Variants in CAMTA1 observed in about 807,000 individuals in gnomAD.
The protein encoded by CAMTA1 is calmodulin binding transcription activator 1.
A neutral mutation model predicts 170.9 loss-of-function variants in CAMTA1; 27 were observed. The ratio of observed to expected loss-of-function variants is 0.16; its 90% confidence interval spans 0.12 to 0.22. The LOEUF (loss-of-function observed/expected upper bound fraction) is 0.22. Among genes scored for constraint, CAMTA1 ranks in the 10% least tolerant of loss-of-function variants. The probability of loss-of-function intolerance (pLI) is 1.00; values close to 1 mark genes in which losing one functional copy is unlikely to be tolerated. For missense variants in CAMTA1, 1,619 were observed against 2,217.2 expected (o/e 0.73, Z 5.42); for synonymous variants, 833 against 891.5 (o/e 0.93, Z 1.17).
At chr1:7,745,078 G>T (rs962921780) in intron 17 of CAMTA1, 56 bp downstream of exon 17, 5 of 1,478,622 alleles carry the variant, frequency 3.4e-6, no homozygotes, top group Non-Finnish European at 4.6e-6. Context: ...GTAATTGGAG[G>T]CAGGGGAGGC....
chr1:7,504,981 G>T (rs1281944917), intron 6 of CAMTA1, among the ~76,000 whole-genome samples: 2 of 148,778 alleles, frequency 1.3e-5, no homozygotes, highest in Non-Finnish European at 3.0e-5. Flanking sequence ...TGGGCAGGAG[G>T]AGTTCAGTGT....
intron 3 of CAMTA1, among the ~76,000 whole-genome samples, chr1:6,830,342 C>T (rs950212999): frequency 1.4e-4 from 20 of 145,650 alleles, no homozygotes; most frequent in African/African-American, 5.1e-4. Context: ...CCGCACCTGG[C>T]CTTGTTTTTT....
chr1:7,581,612 G>A (rs950701054), intron 6 of CAMTA1, among the ~76,000 whole-genome samples: 3 of 152,246 alleles, frequency 2.0e-5, no homozygotes, highest in Admixed American at 6.5e-5. Context: ...GCTCTTTGGA[G>A]GTGGGACCGG....
chr1:7,759,486 C>T lies in CAMTA1; in HGVS notation c.4989+3818C>T, dbSNP rs368068693. 7.2e-5 allele frequency among the ~76,000 whole-genome samples: 11 copies of T among 152,236 alleles called. 1 individual carries two copies. In the South Asian group the frequency reaches 2.1e-3, roughly 29 times the overall value. Reference sequence around the variant, plus strand: ...ACTTAAAGTGAAATTAACAAACTCTCGATACTGTCATCAGGGTTTTTGGTT... The same window carrying T: ...ACTTAAAGTGAAATTAACAAACTCTTGATACTGTCATCAGGGTTTTTGGTT... On this transcript the variant is annotated intron_variant, in intron 22 of 22. Transcript: ENST00000303635.
chr1:7,467,731 C>T (rs532690051), intron 5 of CAMTA1, 99 bp from the exon 6 acceptor site: 54 of 1,092,142 alleles, frequency 4.9e-5, no homozygotes, highest in East Asian at 3.5e-4. Context: ...CGCTGCCAGG[C>T]GGCTGTGGCC....
chr1:7,148,636 G>A (rs1048022539), intron 4 of CAMTA1, among the ~76,000 whole-genome samples: 1 of 152,140 alleles, frequency 6.6e-6, no homozygotes, highest in African/African-American at 2.4e-5. Flanking sequence ...TGGCCAGCCG[G>A]CCCATTCAGT....
At chr1:7,270,287 A>ATTTTTTTT (rs1249476043) in intron 5 of CAMTA1, among the ~76,000 whole-genome samples, 8 of 111,552 alleles carry the variant, frequency 7.2e-5, no homozygotes, top group African/African-American at 2.8e-4. Context: ...ATATATATAT[A>ATTTTTTTT]TATATTTTTT....
chr1:7,550,905 A>G (rs1274090833), intron 6 of CAMTA1, among the ~76,000 whole-genome samples: 1 of 151,506 alleles, frequency 6.6e-6, no homozygotes, highest in Non-Finnish European at 1.5e-5. Flanking sequence ...AGCAGCCCAT[A>G]GACACCCCAG....
intron 11 of CAMTA1, among the ~76,000 whole-genome samples, chr1:7,712,105 G>A (rs1382932677): frequency 5.9e-5 from 9 of 152,138 alleles, no homozygotes; most frequent in Non-Finnish European, 1.0e-4. Context: ...AGTGAACCTC[G>A]CATTTATATA....
intron 11 of CAMTA1, among the ~76,000 whole-genome samples, chr1:7,683,718 G>A (rs1180872023): frequency 6.6e-6 from 1 of 152,192 alleles, no homozygotes; most frequent in Non-Finnish European, 1.5e-5. Context: ...CGTCCTCTCC[G>A]AGCCCAGCCA....
intron 5 of CAMTA1, among the ~76,000 whole-genome samples, chr1:7,337,145 G>A (rs1557541217): frequency 6.6e-6 from 1 of 152,228 alleles, no homozygotes. Flanking sequence ...TGGTGAGTCC[G>A]TAGTGGCCTG....
rs2095695874 is a variant in CAMTA1, at chr1:7,634,542, T to A, written c.511-5858T>A. ...TCCTGGGAATCTGGTGGGTGTGAGG[T>A]CAGGACACTGGATGAGGCCACTAAG... On this transcript the variant is annotated intron_variant, in intron 6 of 22. Transcript: ENST00000303635. The surrounding 1 kb of genome is among the most constrained non-coding windows in gnomAD (Gnocchi z 6.2). Among the ~76,000 whole-genome samples, 1 of 150,594 alleles carries A rather than the reference T, an allele frequency of 6.6e-6. No individual in the cohort carries two copies. The highest frequency in any genetic ancestry group is 6.6e-5 in the Admixed American group (1 of 15,118).
At chr1:7,367,178 G>A (rs545268885) in intron 5 of CAMTA1, among the ~76,000 whole-genome samples, 2 of 152,170 alleles carry the variant, frequency 1.3e-5, no homozygotes, top group Non-Finnish European at 2.9e-5. Flanking sequence ...CTTTTGACTG[G>A]CAAGGTGACA....
chr1:7,016,138 C>A (rs376959066), intron 3 of CAMTA1, among the ~76,000 whole-genome samples: 5 of 152,220 alleles, frequency 3.3e-5, no homozygotes, highest in African/African-American at 1.2e-4. Flanking sequence ...TCACTCATCT[C>A]TGCTCTGCCA....
chr1:7,333,816 G>A lies in CAMTA1; in HGVS notation c.438+84190G>A, dbSNP rs1171501946. On this transcript the variant is annotated intron_variant, in intron 5 of 22. Coordinates refer to ENST00000303635, the MANE Select transcript of CAMTA1 (RefSeq NM_015215.4). This position sits in a 1 kb window ranked among gnomAD's most constrained non-coding sequence, Gnocchi z 4.4. ...GTCTCTTGAATAAAGCATTTTTGTA[G>A]CCTCCTCAAAATCCTCTCTCTGTGT... is the stretch of plus-strand genomic sequence containing the variant. 6.6e-6 allele frequency among the ~76,000 whole-genome samples: 1 copy of A among 152,154 alleles called. No homozygotes were observed. The highest frequency in any genetic ancestry group is 2.4e-5 in the African/African-American group (1 of 41,424).
In CAMTA1 at chr1:6,870,841, T is replaced by G. The variant is rs992455044; in HGVS notation, c.234+45631T>G. ...GAGCATATAGCCTGCTAAAGCTTAA[T>G]TTTTAGACAGGAGACACTAAAGATG... On this transcript the variant is annotated intron_variant, in intron 3 of 22. Coordinates refer to ENST00000303635, the MANE Select transcript of CAMTA1 (RefSeq NM_015215.4). 2.0e-4 allele frequency among the ~76,000 whole-genome samples: 30 copies of G among 152,230 alleles called. 1 individual carries two copies. Among genetic ancestry groups the G allele is most frequent in the Non-Finnish European group, 7.3e-5 (5 of 68,036 alleles).
chr1:7,330,344 G>A (rs1436690888), intron 5 of CAMTA1, among the ~76,000 whole-genome samples: 3 of 152,208 alleles, frequency 2.0e-5, no homozygotes, highest in South Asian at 2.1e-4. Context: ...TTTGGACCAC[G>A]CGGCAGGAAG....
chr1:7,635,396 G>C lies in CAMTA1; in HGVS notation c.511-5004G>C, dbSNP rs535045739. Among the ~76,000 whole-genome samples, 1 of 151,906 alleles carries C rather than the reference G, an allele frequency of 6.6e-6. No homozygotes were observed. The highest frequency in any genetic ancestry group is 6.5e-5 in the Admixed American group (1 of 15,286). ...GCCGAGGCAGGCAGATCACGAGATC[G>C]GGACACCGAGACTATCCTGGCTAAC... On this transcript the variant is annotated intron_variant, in intron 6 of 22. Transcript: ENST00000303635. This position sits in a 1 kb window ranked among gnomAD's most constrained non-coding sequence, Gnocchi z 4.4.
chr1:7,520,575 G>A (rs956575432), intron 6 of CAMTA1, among the ~76,000 whole-genome samples: 18 of 151,754 alleles, frequency 1.2e-4, no homozygotes, highest in Admixed American at 5.9e-4. Context: ...AAGAGCACAT[G>A]GGCACCCGTC....
Sources: gnomAD v4.1 joint callset for allele counts (sites outside exome capture counted in the v4.1 genomes callset) on GRCh38, gnomAD v4.1.1 for gene constraint, Gnocchi (gnomAD v3.1) non-coding constraint, MANE v1.5 for transcripts, NCBI Gene and HGNC (gene_info 2026-07-23, HGNC 2026-07-21) for gene names.